KAT2A: variants seen among roughly 807,000 people sequenced by gnomAD.
The protein encoded by KAT2A is lysine acetyltransferase 2A, also known as histone acetyltransferase KAT2A.
A neutral mutation model predicts 95.2 loss-of-function variants in KAT2A; 42 were observed. The observed-to-expected ratio is 0.44, with a 90% CI of 0.34 to 0.57. KAT2A has a LOEUF of 0.57. Among genes scored for constraint, KAT2A ranks in the 20% least tolerant of loss-of-function variants. KAT2A has a pLI of 0.01. For missense variants in KAT2A, 784 were observed against 1,126.3 expected (o/e 0.70, Z 4.35); for synonymous variants, 449 against 448.2 (o/e 1.00, Z -0.02).
At position 42,117,986 on chromosome 17, in the gene KAT2A, G is replaced by A. The variant is rs1555666431; in HGVS notation, c.1212C>T (p.Thr404=). The A allele has an allele frequency of 5.0e-6, 8 of 1,606,960 alleles. No homozygotes were observed. The East Asian group carries it at 1.6e-4, about 31-fold the overall frequency. The change falls in exon 8 of 18, where the codon ACC becomes ACT. Residue 404 remains threonine, a synonymous_variant. Coordinates refer to ENST00000225916, the MANE Select transcript of KAT2A (RefSeq NM_021078.3). The surrounding 1 kb of genome is among the most constrained non-coding windows in gnomAD (Gnocchi z 8.9). ...ASVSAAVVPS[T]PIFSPSMGGG... ...CACCCATGCTGGGGCTGAAGATGGG[G>A]GTGCTGGGAACAACCGCTGCACTGA... is the stretch of plus-strand genomic sequence containing the variant.
At position 42,120,829 on chromosome 17, in the gene KAT2A, C is replaced by T. The variant is rs782568876; in HGVS notation, c.340G>A (p.Ala114Thr). Residue 114 changes from alanine (A) to threonine (T), a missense_variant and splice_region_variant, in exon 2 of 18, where the codon GCC (alanine) becomes ACC (threonine). Physicochemically the swap from Ala to Thr is moderately conservative, Grantham distance 58. Around this residue, in one of 6 missense-constraint regions of KAT2A, gnomAD observed 208 missense variants for 339.7 expected, o/e 0.61. Transcript: ENST00000225916. ...CCATTACACTTACAGGTTTCATTGGCCTGGAGGTGGAAGGATCAGTCAATG... is the reference window on the plus strand; with the variant it reads ...CCATTACACTTACAGGTTTCATTGGTCTGGAGGTGGAAGGATCAGTCAATG... ...EKLGVFSACK[A>T]NETCKCNGWK... The T allele has an allele frequency of 1.2e-6, 2 of 1,608,816 alleles. No homozygotes were observed. The highest frequency in any genetic ancestry group is 1.7e-6 in the Non-Finnish European group (2 of 1,177,228).
chr17:42,117,843 G>C lies in KAT2A; in HGVS notation c.1292-29C>G. 1 of 1,611,252 alleles carries C rather than the reference G, an allele frequency of 6.2e-7. No individual in the cohort carries two copies. Among genetic ancestry groups the C allele is most frequent in the African/African-American group, 1.3e-5 (1 of 74,946 alleles). ...TTGGGGAGGCAGGCAAGGTTGCTCA[G>C]GATCAGTAAAAAAGGTTTGGGAAGG... is the stretch of plus-strand genomic sequence containing the variant. On this transcript the variant is annotated intron_variant, in intron 8 of 17. Coordinates refer to ENST00000225916, the MANE Select transcript of KAT2A (RefSeq NM_021078.3). The surrounding 1 kb of genome is among the most constrained non-coding windows in gnomAD (Gnocchi z 8.9).
intron 11 of KAT2A, 30 bp from the exon 12 acceptor site, chr17:42,115,863 G>C: frequency 7.6e-7 from 1 of 1,314,066 alleles, no homozygotes; most frequent in Non-Finnish European, 1.1e-6. Context: ...GACTCACCAG[G>C]AGCTGAGGAT....
In KAT2A at chr17:42,114,128, G is replaced by GCCAGCCCGAGACCACTACCCACC; in HGVS notation, c.2236-67_2236-45dup. 6.4e-7 allele frequency: 1 copy of GCCAGCCCGAGACCACTACCCACC among 1,568,144 alleles called. No homozygotes were observed. Among genetic ancestry groups the GCCAGCCCGAGACCACTACCCACC allele is most frequent in the Non-Finnish European group, 8.6e-7 (1 of 1,158,894 alleles). ...CTGGGGACAGCCCTGCTGCGCCCAC[G>GCCAGCCCGAGACCACTACCCACC]CCAGCCCGAGACCACTACCCACCCC... On this transcript the variant is annotated intron_variant, in intron 16 of 17. Coordinates refer to ENST00000225916, the MANE Select transcript of KAT2A (RefSeq NM_021078.3). This position sits in a 1 kb window ranked among gnomAD's most constrained non-coding sequence, Gnocchi z 6.0.
intron 11 of KAT2A, among the ~76,000 whole-genome samples, chr17:42,116,236 G>C (rs2054256520): frequency 7.0e-6 from 1 of 143,432 alleles, no homozygotes; most frequent in Non-Finnish European, 1.5e-5. Context: ...CTGGGCCTCA[G>C]AGTTGGGAGA....
At position 42,114,464 on chromosome 17, in the gene KAT2A, ACCCTGCAACTGAGAC is replaced by A. The variant is rs1555665538; in HGVS notation, c.2134+11_2134+25del. On this transcript the variant is annotated intron_variant, in intron 14 of 17. Transcript: ENST00000225916. The surrounding 1 kb of genome is among the most constrained non-coding windows in gnomAD (Gnocchi z 6.0). ...ACACCCCAAGCATCGTGCCCCCACT[ACCCTGCAACTGAGAC>A]CCCTGCTTACGAATGCCAGGAACGC... 6.2e-7 allele frequency: 1 copy of A among 1,612,720 alleles called. No homozygotes were observed. The highest frequency in any genetic ancestry group is 1.1e-5 in the South Asian group (1 of 91,062).
Position 42,113,508 on chromosome 17 carries a change from G to T in KAT2A, c.*141C>A. 1.4e-6 allele frequency: 1 copy of T among 709,472 alleles called. No homozygotes were observed. The highest frequency in any genetic ancestry group is 2.3e-6 in the Non-Finnish European group (1 of 437,544). The allele number at this position is 709,472 out of a possible 1,614,324, so 43.9% of individuals were successfully genotyped here. A position where few individuals can be genotyped will look rare whatever the true frequency, so the allele number is the denominator to read the frequency against. ...GGGGGTGCCTGAAGGTCCAGAAAGA[G>T]CTGCAGGATCGGGTCCGGAGGACCC... On this transcript the variant is annotated 3_prime_UTR_variant, in exon 18 of 18. Transcript: ENST00000225916.
In KAT2A at chr17:42,117,364, G is replaced by A; in HGVS notation, c.1637+24C>T. 6.2e-7 allele frequency: 1 copy of A among 1,610,616 alleles called. No homozygotes were observed. ...AGGGAACTGGGTGTGCTGCCCTGGG[G>A]GAGGGGCTCTCTGGGGGACGCACGG... On this transcript the variant is annotated intron_variant, in intron 10 of 17. Coordinates refer to ENST00000225916, the MANE Select transcript of KAT2A (RefSeq NM_021078.3). The surrounding 1 kb of genome is among the most constrained non-coding windows in gnomAD (Gnocchi z 8.9).
chr17:42,114,721 C>A lies in KAT2A; in HGVS notation c.2020-117G>T. 2 of 1,162,262 alleles carry A rather than the reference C, an allele frequency of 1.7e-6. No homozygotes were observed. Among genetic ancestry groups the A allele is most frequent in the Non-Finnish European group, 2.5e-6 (2 of 799,910 alleles). The allele number at this position is 1,162,262 out of a possible 1,614,324, so 72.0% of individuals were successfully genotyped here. A position where few individuals can be genotyped will look rare whatever the true frequency, so the allele number is the denominator to read the frequency against. On this transcript the variant is annotated intron_variant, in intron 13 of 17. Transcript: ENST00000225916. This position sits in a 1 kb window ranked among gnomAD's most constrained non-coding sequence, Gnocchi z 6.0. ...GCTGCAACGCCACCTAATCCAGCACCTCCCCTCATAACTTCCCCAAGGGAG... is the reference window on the plus strand; with the variant it reads ...GCTGCAACGCCACCTAATCCAGCACATCCCCTCATAACTTCCCCAAGGGAG...
In KAT2A at chr17:42,118,355, G is replaced by A; in HGVS notation, c.1122C>T (p.Ile374=). ...EEEIYGANSP[I]WESGFTMPPS... ...GTGGCATGGTGAAGCCTGACTCCCA[G>A]ATTGGAGAGTTTGCCCCATAGATCT... The change falls in exon 7 of 18, where the codon ATC becomes ATT. Residue 374 remains isoleucine (I), a synonymous_variant. Coordinates refer to ENST00000225916, the MANE Select transcript of KAT2A (RefSeq NM_021078.3). 2 of 1,614,046 alleles carry A rather than the reference G, an allele frequency of 1.2e-6. No individual in the cohort carries two copies. Among genetic ancestry groups the A allele is most frequent in the African/African-American group, 1.3e-5 (1 of 75,062 alleles).
Position 42,120,356 on chromosome 17 carries a change from G to A in KAT2A, c.478C>T (p.His160Tyr), listed in dbSNP as rs1555667045. The A allele has an allele frequency of 1.2e-6, 2 of 1,614,222 alleles. No homozygotes were observed. The highest frequency in any genetic ancestry group is 1.7e-5 in the Admixed American group (1 of 60,032). The change falls in exon 3 of 18, where the codon CAC becomes TAC. Residue 160 changes from histidine (H) to tyrosine (Y), a missense_variant. By Grantham distance (83) the His-to-Tyr change is moderately conservative. Coordinates refer to ENST00000225916, the MANE Select transcript of KAT2A (RefSeq NM_021078.3). ...TCATCCTCTGACACATTCTCCAAGT[G>A]GGATACGTGGTCAGCTGCAAGACAG... ...CEHPLADHVS[H>Y]LENVSEDEIN...
rs201715776 is a variant in KAT2A at position 42,118,273 on chromosome 17, T to G, written c.1180+24A>C. On this transcript the variant is annotated intron_variant, in intron 7 of 17. Transcript: ENST00000225916. ...GCTCAGCCAGGCAGGCCAGACACCC[T>G]ACAGAGCGTACCATGGCACATACCT... is the stretch of plus-strand genomic sequence containing the variant. 95 of 1,541,108 alleles carry G rather than the reference T, an allele frequency of 6.2e-5. 1 individual carries two copies. In the South Asian group the frequency reaches 1.0e-3, roughly 16 times the overall value.
rs1488548828 is a variant in KAT2A, at chr17:42,119,783, A to G, written c.700-65T>C. 9.6e-6 allele frequency: 13 copies of G among 1,347,666 alleles called. No individual in the cohort carries two copies. Among genetic ancestry groups the G allele is most frequent in the Non-Finnish European group, 1.3e-5 (13 of 981,604 alleles). 83.5% of individuals were successfully genotyped at this position (1,347,666 alleles called of 1,614,324 possible). ...TGTGAGCAGCCCGCAGGGCCTTCTT[A>G]GACAAAGGAAGATGCTCCCTGGCCA... is the stretch of plus-strand genomic sequence containing the variant. On this transcript the variant is annotated intron_variant, in intron 4 of 17. Coordinates refer to ENST00000225916, the MANE Select transcript of KAT2A (RefSeq NM_021078.3). The surrounding 1 kb of genome is among the most constrained non-coding windows in gnomAD (Gnocchi z 5.3).
At chr17:42,118,080 A>T in intron 7 of KAT2A, 63 bp from the exon 8 acceptor site, 1 of 1,023,140 alleles carries the variant, frequency 9.8e-7, no homozygotes, top group Non-Finnish European at 1.4e-6. Flanking sequence ...GAGAGAAGTC[A>T]GGGACGGGGG....
At position 42,120,818 on chromosome 17, in the gene KAT2A, G is replaced by A; in HGVS notation, c.351C>T (p.Thr117=). The A allele has an allele frequency of 6.2e-7, 1 of 1,611,562 alleles. No homozygotes were observed. The highest frequency in any genetic ancestry group is 2.2e-5 in the East Asian group (1 of 44,870). The change falls in exon 2 of 18, where the codon ACC becomes ACT. Residue 117 remains threonine, a synonymous_variant. Transcript: ENST00000225916. ...GGTTTTTCCAGCCATTACACTTACA[G>A]GTTTCATTGGCCTGGAGGTGGAAGG... is the stretch of plus-strand genomic sequence containing the variant. ...GVFSACKANE[T]CKCNGWKNPK...
chr17:42,117,349 G>A lies in KAT2A; in HGVS notation c.1637+39C>T. 1 of 1,600,654 alleles carries A rather than the reference G, an allele frequency of 6.2e-7. No homozygotes were observed. Among genetic ancestry groups the A allele is most frequent in the Non-Finnish European group, 8.6e-7 (1 of 1,169,174 alleles). ...AGAGGCCGAGGAGGAAGGGAACTGGGTGTGCTGCCCTGGGGGAGGGGCTCT... is the reference window on the plus strand; with the variant it reads ...AGAGGCCGAGGAGGAAGGGAACTGGATGTGCTGCCCTGGGGGAGGGGCTCT... On this transcript the variant is annotated intron_variant, in intron 10 of 17. Transcript: ENST00000225916. This position sits in a 1 kb window ranked among gnomAD's most constrained non-coding sequence, Gnocchi z 8.9.
At chr17:42,115,656 G>C in intron 12 of KAT2A, 67 bp downstream of exon 12, 1 of 995,430 alleles carries the variant, frequency 1.0e-6, no homozygotes, top group Non-Finnish European at 1.6e-6. Flanking sequence ...TCCATCCACA[G>C]AGGGGCTGGA....
chr17:42,119,230 C>T lies in KAT2A; in HGVS notation c.1073+15G>A, dbSNP rs2054301988. On this transcript the variant is annotated intron_variant, in intron 6 of 17. Transcript: ENST00000225916. The surrounding 1 kb of genome is among the most constrained non-coding windows in gnomAD (Gnocchi z 5.3). ...AACTTGGGGCCAAATCCTGGTAGGCCAGAAGGAGCCTTACTTGGGGAAGTG... is the reference window on the plus strand; with the variant it reads ...AACTTGGGGCCAAATCCTGGTAGGCTAGAAGGAGCCTTACTTGGGGAAGTG... 3 of 1,589,066 alleles carry T rather than the reference C, an allele frequency of 1.9e-6. No individual in the cohort carries two copies. Among genetic ancestry groups the T allele is most frequent in the Non-Finnish European group, 1.7e-6 (2 of 1,164,018 alleles).
Position 42,113,565 on chromosome 17 carries a change from C to T in KAT2A, c.*84G>A, listed in dbSNP as rs140175851. ...GGAGTGTCTCAAGCTGAGTCGGGTCCGTGGGGCCAGGGCACCCCCTAAGGA... is the reference window on the plus strand; with the variant it reads ...GGAGTGTCTCAAGCTGAGTCGGGTCTGTGGGGCCAGGGCACCCCCTAAGGA... On this transcript the variant is annotated 3_prime_UTR_variant, in exon 18 of 18. Transcript: ENST00000225916. The T allele has an allele frequency of 7.5e-5, 103 of 1,368,662 alleles. No individual in the cohort carries two copies. Among genetic ancestry groups the T allele is most frequent in the Admixed American group, 1.1e-4 (5 of 44,170 alleles). 84.8% of individuals were successfully genotyped at this position (1,368,662 alleles called of 1,614,324 possible). A position where few individuals can be genotyped will look rare whatever the true frequency, so the allele number is the denominator to read the frequency against.
Sources: gnomAD v4.1 joint callset for allele counts (sites outside exome capture counted in the v4.1 genomes callset) on GRCh38, gnomAD v4.1.1 for gene constraint, gnomAD v4.1.1 regional missense constraint, Gnocchi (gnomAD v3.1) non-coding constraint, MANE v1.5 for transcripts, NCBI Gene and HGNC (gene_info 2026-07-23, HGNC 2026-07-21) for gene names.